The following CEP128 variants were observed in gnomAD, a reference collection of about 807,000 sequenced individuals.
CEP128 encodes the protein centrosomal protein 128kDa.
CEP128 carries 132 observed loss-of-function variants against 156.7 expected under a neutral mutation model. The observed-to-expected ratio is 0.84, with a 90% confidence interval of 0.73 to 0.97. CEP128 has a LOEUF of 0.97. CEP128 is among the 50% of genes least tolerant of loss of function. CEP128 has a pLI of 0.00. For synonymous variants in CEP128, 469 were observed against 448.9 expected (o/e 1.04, Z -0.57); for missense variants, 1,252 against 1,281.9 (o/e 0.98, Z 0.36).
intron 13 of CEP128, among the ~76,000 whole-genome samples, chr14:80,821,838 C>A (rs962763134): frequency 6.6e-6 from 1 of 152,050 alleles, no homozygotes; most frequent in African/African-American, 2.4e-5. Flanking sequence ...AAAGACATAC[C>A]TGAGACTGCG....
At position 80,678,049 on chromosome 14, in the gene CEP128, A is replaced by AAAT; in HGVS notation, c.2806+65025_2806+65026insATT. On this transcript the variant is annotated intron_variant, in intron 19 of 24. Transcript: ENST00000555265. ...ATGGACAGTTGCTCTATAAAAAAAA[A>AAAT]ATATATATATATATGTATATATATA... Among the ~76,000 whole-genome samples, 9 of 98,498 alleles carry AAAT rather than the reference A, an allele frequency of 9.1e-5. 2 individuals are homozygous for AAAT. Among genetic ancestry groups the AAAT allele is most frequent in the Admixed American group, 8.3e-4 (9 of 10,790 alleles). 64.6% of individuals were successfully genotyped at this position (98,498 alleles called of 152,430 possible).
upstream of CEP128, chr14:80,942,276 G>A (rs555555870): frequency 6.6e-6 from 1 of 152,124 alleles, no homozygotes; most frequent in African/African-American, 2.4e-5. Flanking sequence ...AAAGAGTAAG[G>A]GACTTGCCTA....
intron 19 of CEP128, among the ~76,000 whole-genome samples, chr14:80,710,722 G>C (rs17111025): frequency 6.6e-6 from 1 of 151,886 alleles, no homozygotes; most frequent in Non-Finnish European, 1.5e-5. Flanking sequence ...GAATTTTATA[G>C]TATGTGCATT....
chr14:80,525,478 T>C (rs537066779), intron 23 of CEP128, among the ~76,000 whole-genome samples: 26 of 152,336 alleles, frequency 1.7e-4, no homozygotes, highest in African/African-American at 5.5e-4. Flanking sequence ...TGTCTTGTGG[T>C]TTGTTCTAAA....
intron 13 of CEP128, among the ~76,000 whole-genome samples, chr14:80,804,134 TTAAA>T (rs1884038315): frequency 6.6e-6 from 1 of 151,366 alleles, no homozygotes; most frequent in Non-Finnish European, 1.5e-5. Context: ...TTAATCATTT[TTAAA>T]TAATTAAAAG....
chr14:80,912,011 G>C, intron 4 of CEP128, among the ~76,000 whole-genome samples: 1 of 152,194 alleles, frequency 6.6e-6, no homozygotes, highest in East Asian at 1.9e-4. Flanking sequence ...AAGGTCAGGA[G>C]ATCGAGACCA....
At chr14:80,670,766 G>T (rs931211584) in intron 19 of CEP128, among the ~76,000 whole-genome samples, 1 of 151,742 alleles carries the variant, frequency 6.6e-6, no homozygotes, top group African/African-American at 2.4e-5. Flanking sequence ...ATAAATTTAC[G>T]TACATTTTAA....
intron 19 of CEP128, among the ~76,000 whole-genome samples, chr14:80,644,914 G>C (rs1285056191): frequency 2.0e-5 from 3 of 151,898 alleles, no homozygotes; most frequent in Non-Finnish European, 2.9e-5. Context: ...GCATTTTCTA[G>C]GAAAATAATC....
intron 19 of CEP128, among the ~76,000 whole-genome samples, chr14:80,632,046 T>C (rs1395106849): frequency 6.6e-6 from 1 of 152,108 alleles, no homozygotes; most frequent in Non-Finnish European, 1.5e-5. Flanking sequence ...TCTGAATTCT[T>C]ACCAGTCACC....
intron 19 of CEP128, among the ~76,000 whole-genome samples, chr14:80,695,208 G>GA (rs1009132869): frequency 4.8e-4 from 69 of 143,064 alleles, no homozygotes; most frequent in Middle Eastern, 3.6e-3. Context: ...GAAAAGAAAA[G>GA]AAAAAAAAAA....
At chr14:80,578,402 T>A (rs1891446912) in intron 20 of CEP128, among the ~76,000 whole-genome samples, 1 of 152,186 alleles carries the variant, frequency 6.6e-6, no homozygotes, top group African/African-American at 2.4e-5. Flanking sequence ...TTATACATAA[T>A]TATAAGATGA....
rs375609968 is a variant in CEP128, at chr14:80,955,870, C to G, written c.-172+2308G>C. ...GACTCTGTGAGTACCCGGGAGAGATCAGGGTAGGACCCAGAGATCAAGGGC... is the reference window on the plus strand; with the variant it reads ...GACTCTGTGAGTACCCGGGAGAGATGAGGGTAGGACCCAGAGATCAAGGGC... On this transcript the variant is annotated intron_variant, in intron 2 of 7. Transcript: ENST00000555529. 3.1e-6 allele frequency: 5 copies of G among 1,613,936 alleles called. No homozygotes were observed. Among genetic ancestry groups the G allele is most frequent in the Non-Finnish European group, 4.2e-6 (5 of 1,180,038 alleles).
chr14:80,593,543 T>A (rs1260412259), intron 19 of CEP128, among the ~76,000 whole-genome samples: 1 of 101,052 alleles, frequency 9.9e-6, no homozygotes. Context: ...CAAGACTCCA[T>A]CTCAAAAAAA....
At position 80,700,083 on chromosome 14, in the gene CEP128, G is replaced by C. The variant is rs1365559293; in HGVS notation, c.2806+42992C>G. Among the ~76,000 whole-genome samples, 4 of 152,122 alleles carry C rather than the reference G, an allele frequency of 2.6e-5. No homozygotes were observed. In the East Asian group the frequency reaches 7.7e-4, roughly 29 times the overall value. ...TCCCACAGATTCTTCCAATTCTTGG[G>C]TATACGTGGCTTTATCATTCAATAC... is the stretch of plus-strand genomic sequence containing the variant. On this transcript the variant is annotated intron_variant, in intron 19 of 24. Transcript: ENST00000555265.
chr14:80,792,971 T>C lies in CEP128; in HGVS notation c.1349A>G (p.His450Arg), dbSNP rs750613376. 6 of 1,614,186 alleles carry C rather than the reference T, an allele frequency of 3.7e-6. No individual in the cohort carries two copies. Among genetic ancestry groups the C allele is most frequent in the Middle Eastern group, 1.6e-4 (1 of 6,062 alleles). The change falls in exon 14 of 25, where the codon CAT (histidine) becomes CGT (arginine). Residue 450 changes from histidine to arginine, a missense_variant. Physicochemically the swap from His to Arg is conservative, Grantham distance 29. Transcript: ENST00000555265. The stretch of plus-strand genomic sequence containing the variant: ...AGCCTGCTTGGTTGCATCCTCCGCA[T>C]GGCGAGTCAGCTCTGAGATCTGAAG... Reference protein sequence around the residue: ...ADLQISELTRHAEDATKQAER... With the variant: ...ADLQISELTRRAEDATKQAER...
intron 13 of CEP128, among the ~76,000 whole-genome samples, chr14:80,804,151 T>C (rs970791324): frequency 2.6e-5 from 4 of 152,082 alleles, no homozygotes; most frequent in African/African-American, 4.8e-5. Flanking sequence ...ATTAAAAGTT[T>C]TTATAACTTT....
At chr14:80,933,642 T>C (rs1885614478) in intron 2 of CEP128, among the ~76,000 whole-genome samples, 1 of 152,156 alleles carries the variant, frequency 6.6e-6, no homozygotes, top group Admixed American at 6.5e-5. Flanking sequence ...CCTGTTAAAA[T>C]TACTATGGGA....
intron 16 of CEP128, among the ~76,000 whole-genome samples, chr14:80,761,835 T>C (rs557498172): frequency 2.0e-5 from 3 of 152,182 alleles, no homozygotes; most frequent in Admixed American, 6.5e-5. Context: ...AGAAGATATC[T>C]GGCAAACAAA....
chr14:80,775,865 C>T (rs552118911), intron 16 of CEP128, among the ~76,000 whole-genome samples: 26 of 152,286 alleles, frequency 1.7e-4, no homozygotes, highest in South Asian at 8.3e-4. Context: ...TGGAGTCTCG[C>T]GCTGTCGCCC....
Sources: gnomAD v4.1 joint callset for allele counts (sites outside exome capture counted in the v4.1 genomes callset) on GRCh38, gnomAD v4.1.1 for gene constraint, MANE v1.5 for transcripts, NCBI Gene and HGNC (gene_info 2026-07-23, HGNC 2026-07-21) for gene names.